The following HDX variants were observed in gnomAD, a reference collection of about 807,000 sequenced individuals.
HDX encodes highly divergent homeobox.
Under a neutral mutation model 45.2 loss-of-function variants are expected in HDX, and 19 were observed. The ratio of observed to expected loss-of-function variants is 0.42; its 90% CI spans 0.29 to 0.62. The LOEUF (loss-of-function observed/expected upper bound fraction) is 0.62. Among genes scored for constraint, HDX ranks in the 20% least tolerant of loss-of-function variants. The pLI, the probability that HDX is intolerant of heterozygous loss-of-function variation, is 0.20. For synonymous variants in HDX, 188 were observed against 172.8 expected (o/e 1.09, Z -0.69); for missense variants, 532 against 493.9 (o/e 1.08, Z -0.73).
intron 5 of HDX, among the ~76,000 whole-genome samples, chrX:84,400,390 A>C (rs772167841): frequency 4.4e-4 from 48 of 108,863 alleles, no homozygotes; most frequent in South Asian, 2.0e-3. Flanking sequence ...AAAACTCACA[A>C]GCATTCATAT....
intron 9 of HDX, among the ~76,000 whole-genome samples, chrX:84,328,563 T>G (rs1362477281): frequency 9.0e-6 from 1 of 111,480 alleles, no homozygotes; most frequent in Non-Finnish European, 1.9e-5. Context: ...AGCAAAATAT[T>G]TGAACACACT....
intron 4 of HDX, among the ~76,000 whole-genome samples, chrX:84,442,981 G>C (rs1228320646): frequency 1.8e-5 from 2 of 111,700 alleles, no homozygotes; most frequent in African/African-American, 6.5e-5. Flanking sequence ...TTCTGTTTAA[G>C]TCAATTGTGT....
chrX:84,418,165 T>C (rs56192465), intron 5 of HDX, among the ~76,000 whole-genome samples: 7,782 of 111,340 alleles, frequency 0.07, 326 homozygotes, highest in African/African-American at 0.16. Context: ...CAAATGCACA[T>C]ACTCCAATGA....
intron 5 of HDX, among the ~76,000 whole-genome samples, chrX:84,421,976 A>G (rs185055565): frequency 9.1e-6 from 1 of 109,551 alleles, no homozygotes; most frequent in East Asian, 2.8e-4. Context: ...TTAACAAACA[A>G]CTGTCAACAT....
intron 6 of HDX, among the ~76,000 whole-genome samples, chrX:84,350,306 T>C (rs2037314161): frequency 9.0e-6 from 1 of 111,425 alleles, no homozygotes; most frequent in South Asian, 3.8e-4. Flanking sequence ...ATTTTATTTT[T>C]GTTGGGTTGT....
At chrX:84,431,548 C>A (rs541264406) in intron 5 of HDX, among the ~76,000 whole-genome samples, 1 of 111,188 alleles carries the variant, frequency 9.0e-6, no homozygotes, top group South Asian at 3.8e-4. Context: ...GCTATTCTGA[C>A]TAGTGTGAGA....
chrX:84,345,830 C>T, intron 6 of HDX, among the ~76,000 whole-genome samples: 1 of 111,301 alleles, frequency 9.0e-6, no homozygotes, highest in Middle Eastern at 4.7e-3. Flanking sequence ...TTTAGCTGTT[C>T]TCATAGGTGT....
Position 84,356,082 on chromosome X carries a change from G to A in HDX, c.1452+5384C>T, listed in dbSNP as rs553952246. 4.0e-4 allele frequency among the ~76,000 whole-genome samples: 44 copies of A among 110,051 alleles called. 1 individual carries two copies. The South Asian group carries it at 0.016, about 40-fold the overall frequency. On this transcript the variant is annotated intron_variant, in intron 6 of 10. Transcript: ENST00000373177. ...CTTCCTATACTTCTTAGAAGTACAA[G>A]ACATTAAAAAAAAATCTGAAACTTT...
intron 10 of HDX, 105 bp downstream of exon 10, chrX:84,326,072 CA>C (rs1272138463): frequency 4.0e-6 from 3 of 750,396 alleles, no homozygotes; most frequent in African/African-American, 2.2e-5. Context: ...TCCTCCATGC[CA>C]AGCAGAAATG....
rs148243132 is a variant in HDX, at chrX:84,413,430, C to A, written c.1305+27102G>T. On this transcript the variant is annotated intron_variant, in intron 5 of 10. Coordinates refer to ENST00000373177, the MANE Select transcript of HDX (RefSeq NM_001177479.2). ...ATTATGGGGCCAAGGCTCAGCTCAG[C>A]ACTCCTGTGCTGTGTGCTCTAACTC... Among the ~76,000 whole-genome samples the A allele has an allele frequency of 3.9e-3, 432 of 111,688 alleles. 1 individual carries two copies. Among genetic ancestry groups the A allele is most frequent in the Non-Finnish European group, 6.8e-3 (361 of 53,138 alleles).
At chrX:84,457,547 T>A (rs1161364751) in intron 4 of HDX, among the ~76,000 whole-genome samples, 1 of 111,598 alleles carries the variant, frequency 9.0e-6, no homozygotes, top group African/African-American at 3.3e-5. Flanking sequence ...GAAACTGTAA[T>A]AAGATATCTG....
intron 5 of HDX, among the ~76,000 whole-genome samples, chrX:84,422,017 A>AC (rs60333823): frequency 0.074 from 7,738 of 104,632 alleles, 346 homozygotes; most frequent in African/African-American, 0.17. Flanking sequence ...GGAACCAACA[A>AC]AAAAAAAAAA....
intron 5 of HDX, among the ~76,000 whole-genome samples, chrX:84,387,193 G>T (rs2038339477): frequency 8.9e-6 from 1 of 112,231 alleles, no homozygotes; most frequent in African/African-American, 3.2e-5. Context: ...TACGGACTGA[G>T]AGTGTGCTTT....
At chrX:84,435,980 T>C (rs1187987211) in intron 5 of HDX, among the ~76,000 whole-genome samples, 4 of 90,611 alleles carry the variant, frequency 4.4e-5, no homozygotes, top group Non-Finnish European at 8.6e-5. Context: ...CATGCACATG[T>C]ATGTTTATTG....
At chrX:84,409,885 T>TA (rs201145449) in intron 5 of HDX, among the ~76,000 whole-genome samples, 6 of 104,062 alleles carry the variant, frequency 5.8e-5, no homozygotes, top group South Asian at 8.9e-4. Flanking sequence ...TAATAAAATT[T>TA]AAAAAAAAAG....
At chrX:84,398,983 A>T (rs1473911170) in intron 5 of HDX, among the ~76,000 whole-genome samples, 2 of 111,854 alleles carry the variant, frequency 1.8e-5, no homozygotes, top group Non-Finnish European at 3.8e-5. Flanking sequence ...TAAATAACAA[A>T]ATTAAGGCAG....
intron 5 of HDX, among the ~76,000 whole-genome samples, chrX:84,430,197 T>C (rs1436892711): frequency 9.0e-6 from 1 of 111,083 alleles, no homozygotes; most frequent in Non-Finnish European, 1.9e-5. Context: ...CAGCCTCTAA[T>C]ATCTTCTGTA....
chrX:84,474,055 T>C (rs60094346), intron 3 of HDX, among the ~76,000 whole-genome samples: 45,571 of 110,651 alleles, frequency 0.41, 8,325 homozygotes, highest in African/African-American at 0.73. Context: ...CTTTGGGAGG[T>C]CGAGGCGGGC....
At chrX:84,496,813 C>T (rs189396998) in intron 1 of HDX, among the ~76,000 whole-genome samples, 89 of 111,556 alleles carry the variant, frequency 8.0e-4, no homozygotes, top group African/African-American at 2.7e-3. Flanking sequence ...TAATATTTCC[C>T]ACTATTACAG....
Sources: allele counts gnomAD v4.1 joint callset (sites outside exome capture counted in the v4.1 genomes callset), GRCh38; gene constraint gnomAD v4.1.1; transcripts MANE v1.5; gene names NCBI Gene and HGNC (gene_info 2026-07-23, HGNC 2026-07-21).